XK: variants seen among roughly 807,000 people sequenced by gnomAD.
XK encodes the protein endoplasmic reticulum membrane adapter protein XK.
In XK, 2 loss-of-function variants were observed where a neutral mutation model predicts 14.0. That is an observed-to-expected ratio of 0.14 (90% CI 0.06 to 0.45). XK has a LOEUF of 0.45. Among genes scored for constraint, XK ranks in the 20% least tolerant of loss-of-function variants. XK has a pLI of 0.98. For synonymous variants in XK, 149 were observed against 147.5 expected (o/e 1.01, Z -0.08); for missense variants, 235 against 341.5 (o/e 0.69, Z 2.46).
At chrX:37,716,597 A>G (rs1353775512) in intron 2 of XK, among the ~76,000 whole-genome samples, 2 of 111,709 alleles carry the variant, frequency 1.8e-5, no homozygotes, top group African/African-American at 6.5e-5. Context: ...ATGAGTAGCT[A>G]CATTTTAAGA....
chrX:37,714,622 T>C (rs782095031), intron 2 of XK, among the ~76,000 whole-genome samples: 1 of 111,637 alleles, frequency 9.0e-6, no homozygotes, highest in East Asian at 2.8e-4. Context: ...AATTTCAAGA[T>C]GAAGGGTGCT....
intron 1 of XK, among the ~76,000 whole-genome samples, chrX:37,693,588 A>AAAGCCAGGTATTCTCTC (rs1301309623): frequency 9.1e-6 from 1 of 110,366 alleles, no homozygotes; most frequent in Non-Finnish European, 1.9e-5. Flanking sequence ...CCAAATTTTA[A>AAAGCCAGGTATTCTCTC]AAGCCAGGTA....
intron 2 of XK, among the ~76,000 whole-genome samples, chrX:37,703,725 T>C (rs1927458368): frequency 9.0e-6 from 1 of 111,705 alleles, no homozygotes; most frequent in Admixed American, 9.5e-5. Flanking sequence ...TTATTGGGGC[T>C]CTTTCCTCTA....
At chrX:37,698,338 C>A (rs1345518140) in intron 2 of XK, among the ~76,000 whole-genome samples, 3 of 109,869 alleles carry the variant, frequency 2.7e-5, no homozygotes, top group Non-Finnish European at 3.8e-5. Flanking sequence ...CACAGTGGCT[C>A]ACACCTGTGA....
chrX:37,714,065 AC>A (rs1451644357), intron 2 of XK, among the ~76,000 whole-genome samples: 1 of 111,559 alleles, frequency 9.0e-6, no homozygotes, highest in African/African-American at 3.3e-5. Flanking sequence ...CAAGACTAAG[AC>A]CCAGTTTTTG....
At chrX:37,706,841 G>A (rs896815792) in intron 2 of XK, among the ~76,000 whole-genome samples, 10 of 109,053 alleles carry the variant, frequency 9.2e-5, no homozygotes, top group Non-Finnish European at 1.9e-4. Context: ...GACTCTTAAC[G>A]AGCATGCTGC....
At chrX:37,699,645 G>T (rs1927372510) in intron 2 of XK, among the ~76,000 whole-genome samples, 1 of 112,254 alleles carries the variant, frequency 8.9e-6, no homozygotes, top group East Asian at 2.8e-4. Context: ...AGAGAACCTG[G>T]ATTGGTATAC....
At chrX:37,702,621 G>A (rs782268158) in intron 2 of XK, among the ~76,000 whole-genome samples, 1 of 111,948 alleles carries the variant, frequency 8.9e-6, no homozygotes, top group African/African-American at 3.2e-5. Flanking sequence ...GAGATGACTA[G>A]CTACTGCACC....
At chrX:37,723,289 A>G (rs1927915934) in intron 2 of XK, among the ~76,000 whole-genome samples, 1 of 111,382 alleles carries the variant, frequency 9.0e-6, no homozygotes, top group South Asian at 3.7e-4. Context: ...AGTCTGAATC[A>G]GTAGGTATTT....
intron 2 of XK, among the ~76,000 whole-genome samples, chrX:37,712,961 C>G (rs782049175): frequency 1.8e-5 from 2 of 111,913 alleles, no homozygotes; most frequent in African/African-American, 3.2e-5. Flanking sequence ...ACAACAGTGT[C>G]GAGGATCCAG....
At chrX:37,716,205 A>T (rs1556447801) in intron 2 of XK, among the ~76,000 whole-genome samples, 1 of 112,258 alleles carries the variant, frequency 8.9e-6, no homozygotes, top group Non-Finnish European at 1.9e-5. Context: ...ATAGAATTAG[A>T]GGCACTGAGC....
At chrX:37,686,455 CT>C (rs1279048707) in intron 1 of XK, among the ~76,000 whole-genome samples, 1 of 112,231 alleles carries the variant, frequency 8.9e-6, no homozygotes, top group African/African-American at 3.2e-5. Flanking sequence ...CAACATTCAA[CT>C]GAAATTGACC....
rs1054995865 is a variant in XK, at chrX:37,729,869, G to A, written c.*1407G>A. On this transcript the variant is annotated 3_prime_UTR_variant, in exon 3 of 3. Coordinates refer to ENST00000378616, the MANE Select transcript of XK (RefSeq NM_021083.4). ...CGTATTTATCTGGCCATTGCACTTC[G>A]GATAATTTTCATTTTTAATTCCTCT... 9.0e-5 allele frequency: 10 copies of A among 111,073 alleles called. No homozygotes were observed. Among genetic ancestry groups the A allele is most frequent in the Non-Finnish European group, 1.3e-4 (7 of 52,942 alleles). The allele number at this position is 111,073 out of a possible 1,213,427, so 9.2% of individuals were successfully genotyped here. A position where few individuals can be genotyped will look rare whatever the true frequency, so the allele number is the denominator to read the frequency against.
intron 2 of XK, among the ~76,000 whole-genome samples, chrX:37,717,290 C>T (rs185746479): frequency 1.0e-3 from 113 of 111,528 alleles, no homozygotes; most frequent in African/African-American, 3.4e-3. Context: ...GTTAAGGCTA[C>T]GATTCTGGAG....
At chrX:37,699,523 T>TG (rs782642271) in intron 2 of XK, among the ~76,000 whole-genome samples, 2 of 111,414 alleles carry the variant, frequency 1.8e-5, no homozygotes, top group African/African-American at 3.3e-5. Flanking sequence ...TATTACAGCA[T>TG]GGGGGGGTGA....
intron 2 of XK, among the ~76,000 whole-genome samples, chrX:37,695,303 G>A (rs1409057922): frequency 8.9e-6 from 1 of 112,097 alleles, no homozygotes; most frequent in Non-Finnish European, 1.9e-5. Context: ...TAACAACTTT[G>A]TGGTGAATAA....
chrX:37,697,713 A>T (rs1193742666), intron 2 of XK, among the ~76,000 whole-genome samples: 1 of 112,018 alleles, frequency 8.9e-6, no homozygotes, highest in African/African-American at 3.2e-5. Flanking sequence ...TGTACAATTC[A>T]GTAGGTTTCA....
At position 37,686,120 on chromosome X, in the gene XK, C is replaced by T; in HGVS notation, c.159C>T (p.Leu53=). The change falls in exon 1 of 3, where the codon CTC becomes CTT. Residue 53 remains leucine (L), a synonymous_variant. Coordinates refer to ENST00000378616, the MANE Select transcript of XK (RefSeq NM_021083.4). ...FSLLPCALVQ[L]TLLFVHRDLS... The stretch of plus-strand genomic sequence containing the variant: ...TACTGCCTTGCGCGCTCGTGCAGCT[C>T]ACGCTTCTCTTCGTACACCGCGACC... The T allele has an allele frequency of 1.7e-6, 2 of 1,211,252 alleles. No individual in the cohort carries two copies. Among genetic ancestry groups the T allele is most frequent in the Non-Finnish European group, 2.2e-6 (2 of 895,270 alleles).
chrX:37,699,623 A>T (rs897711822), intron 2 of XK, among the ~76,000 whole-genome samples: 1 of 112,501 alleles, frequency 8.9e-6, no homozygotes, highest in African/African-American at 3.2e-5. Flanking sequence ...CTGGCAATAC[A>T]AAGCTAGAAT....
Sources: allele counts gnomAD v4.1 joint callset (sites outside exome capture counted in the v4.1 genomes callset), GRCh38; gene constraint gnomAD v4.1.1; transcripts MANE v1.5; gene names NCBI Gene and HGNC (gene_info 2026-07-23, HGNC 2026-07-21).